The following GREB1 variants were observed in gnomAD, a reference collection of about 807,000 sequenced individuals.
GREB1 encodes protein GREB1.
Under a neutral mutation model 200.7 loss-of-function variants are expected in GREB1, and 106 were observed. The ratio of observed to expected loss-of-function variants is 0.53; its 90% CI spans 0.45 to 0.62. The LOEUF (loss-of-function observed/expected upper bound fraction) is 0.62, where lower values mean the gene tolerates loss of function less well. Ranked by LOEUF, GREB1 falls within the 20% of genes least tolerant of loss-of-function variation. GREB1 has a pLI of 0.00. For missense variants in GREB1, 2,243 were observed against 2,556.8 expected (o/e 0.88, Z 2.65); for synonymous variants, 1,132 against 1,092.4 (o/e 1.04, Z -0.72).
At chr2:11,587,737 ACACACGC>A in intron 9 of GREB1, 1 of 734,132 alleles carries the variant, frequency 1.4e-6, no homozygotes, top group African/African-American at 1.9e-5. Context: ...ACACACACAC[ACACACGC>A]CACCTTTGGG....
At position 11,640,153 on chromosome 2, in the gene GREB1, C is replaced by T. The variant is rs985801568; in HGVS notation, c.5687-138C>T. 1.4e-6 allele frequency: 1 copy of T among 715,940 alleles called. No homozygotes were observed. The allele number at this position is 715,940 out of a possible 1,614,324, so 44.3% of individuals were successfully genotyped here. ...AGATTGTACATCATCCCGAAAGAAG[C>T]AAGGGGCCGACTTGGATGCCGCTTC... On this transcript the variant is annotated intron_variant, in intron 32 of 32. Coordinates refer to ENST00000381486, the MANE Select transcript of GREB1 (RefSeq NM_014668.4). The surrounding 1 kb of genome is among the most constrained non-coding windows in gnomAD (Gnocchi z 4.6).
chr2:11,504,951 G>T (rs1456612214), intron 1 of GREB1, among the ~76,000 whole-genome samples: 5 of 152,054 alleles, frequency 3.3e-5, no homozygotes, highest in Non-Finnish European at 5.9e-5. Flanking sequence ...TTTATTTTTT[G>T]AGATAGAGTC....
At chr2:11,487,219 G>T (rs968438716) in intron 1 of GREB1, among the ~76,000 whole-genome samples, 2 of 152,076 alleles carry the variant, frequency 1.3e-5, no homozygotes, top group Non-Finnish European at 2.9e-5. Flanking sequence ...ATTGATTGAT[G>T]GTAGTACACA....
At chr2:11,598,115 C>T (rs1681433827) in intron 14 of GREB1, 137 bp downstream of exon 14, 1 of 758,468 alleles carries the variant, frequency 1.3e-6, no homozygotes, top group South Asian at 1.6e-5. Context: ...GATTGTGAAA[C>T]TGATGTTCAG....
At chr2:11,595,220 A>T in intron 11 of GREB1, 31 bp from the exon 12 acceptor site, 2 of 1,595,708 alleles carry the variant, frequency 1.3e-6, no homozygotes, top group Non-Finnish European at 1.7e-6. Context: ...GGAAGATACA[A>T]TGGGTACTGT....
Position 11,580,620 on chromosome 2 carries a change from G to T in GREB1, c.773-84G>T, listed in dbSNP as rs1679369677. The T allele has an allele frequency of 1.3e-6, 2 of 1,481,920 alleles. No individual in the cohort carries two copies. Among genetic ancestry groups the T allele is most frequent in the African/African-American group, 2.8e-5 (2 of 71,404 alleles). The allele number at this position is 1,481,920 out of a possible 1,614,324, so 91.8% of individuals were successfully genotyped here. On this transcript the variant is annotated intron_variant, in intron 6 of 32. Transcript: ENST00000381486. This position sits in a 1 kb window ranked among gnomAD's most constrained non-coding sequence, Gnocchi z 4.5. ...TGGGGAAAAGCTAGTTTGTGAAACTGCAAGGAAAATGATTTCCTCCTTGCC... is the reference window on the plus strand; with the variant it reads ...TGGGGAAAAGCTAGTTTGTGAAACTTCAAGGAAAATGATTTCCTCCTTGCC...
intron 1 of GREB1, among the ~76,000 whole-genome samples, chr2:11,511,586 G>A (rs77737431): frequency 0.011 from 1,673 of 152,202 alleles, 14 homozygotes; most frequent in Admixed American, 0.022. Flanking sequence ...AGGAAGCAGC[G>A]TGCCCTCTGA....
chr2:11,587,457 C>T (rs778372733), intron 9 of GREB1: 30 of 1,613,346 alleles, frequency 1.9e-5, no homozygotes, highest in East Asian at 2.2e-5. Flanking sequence ...TTATGAGAGG[C>T]GTGAATTCAT....
intron 1 of GREB1, among the ~76,000 whole-genome samples, chr2:11,539,317 C>G (rs1287585813): frequency 7.7e-6 from 1 of 130,106 alleles, no homozygotes; most frequent in Non-Finnish European, 1.9e-5. Flanking sequence ...TCCCACAGTG[C>G]TGGGATTACA....
rs768224687 is a variant in GREB1, at chr2:11,580,190, G to A, written c.773-514G>A. On this transcript the variant is annotated intron_variant, in intron 6 of 32. Coordinates refer to ENST00000381486, the MANE Select transcript of GREB1 (RefSeq NM_014668.4). The surrounding 1 kb of genome is among the most constrained non-coding windows in gnomAD (Gnocchi z 4.5). Reference sequence around the variant, plus strand: ...TTACCTCCCGCCAGGTCCCTCCCACGACACAGGGGGATTATGGGAGCTGCA... The same window carrying A: ...TTACCTCCCGCCAGGTCCCTCCCACAACACAGGGGGATTATGGGAGCTGCA... Among the ~76,000 whole-genome samples, 8 of 152,142 alleles carry A rather than the reference G, an allele frequency of 5.3e-5. No homozygotes were observed. The highest frequency in any genetic ancestry group is 4.1e-4 in the South Asian group (2 of 4,826).
At chr2:11,513,984 G>A (rs1374321159) in intron 1 of GREB1, among the ~76,000 whole-genome samples, 1 of 152,198 alleles carries the variant, frequency 6.6e-6, no homozygotes, top group Non-Finnish European at 1.5e-5. Flanking sequence ...CACATCCTAA[G>A]AGGGGAGGAT....
intron 1 of GREB1, among the ~76,000 whole-genome samples, chr2:11,498,250 T>G (rs1477763752): frequency 2.6e-5 from 4 of 151,994 alleles, no homozygotes; most frequent in African/African-American, 9.7e-5. Context: ...TGTAGGTCTA[T>G]GATCCTTTAT....
intron 4 of GREB1, among the ~76,000 whole-genome samples, chr2:11,572,221 G>A (rs2148004773): frequency 6.6e-6 from 1 of 152,346 alleles, no homozygotes; most frequent in East Asian, 1.9e-4. Context: ...GAAGGCACTG[G>A]ATGGAGGCAT....
intron 1 of GREB1, among the ~76,000 whole-genome samples, chr2:11,488,394 G>C (rs1040153342): frequency 6.6e-6 from 1 of 152,162 alleles, no homozygotes; most frequent in South Asian, 2.1e-4. Flanking sequence ...TCAACCGAAC[G>C]TTAGACTTCT....
chr2:11,484,869 G>T (rs1420954430), intron 1 of GREB1, among the ~76,000 whole-genome samples: 3 of 152,176 alleles, frequency 2.0e-5, no homozygotes. Flanking sequence ...GTTTTGAGAC[G>T]GAGTCTCGCT....
chr2:11,558,142 G>T (rs1009801162), intron 2 of GREB1, among the ~76,000 whole-genome samples: 3 of 152,230 alleles, frequency 2.0e-5, no homozygotes, highest in African/African-American at 7.2e-5. Flanking sequence ...AGGGTGGCTT[G>T]CTGGAAGCTT....
chr2:11,527,705 A>G (rs1232975815), intron 1 of GREB1, among the ~76,000 whole-genome samples: 1 of 152,218 alleles, frequency 6.6e-6, no homozygotes, highest in Non-Finnish European at 1.5e-5. Flanking sequence ...TAGATTCTAT[A>G]GTAAAACAGA....
intron 3 of GREB1, 119 bp from the exon 4 acceptor site, chr2:11,566,361 A>G (rs370772479): frequency 2.1e-6 from 2 of 935,742 alleles, no homozygotes; most frequent in East Asian, 5.4e-5. Context: ...TTTGAGGTCA[A>G]GCACACCCAG....
At chr2:11,555,679 CA>C (rs1310149319) in intron 1 of GREB1, among the ~76,000 whole-genome samples, 2 of 152,118 alleles carry the variant, frequency 1.3e-5, no homozygotes, top group African/African-American at 4.8e-5. Flanking sequence ...CCAGAATGAG[CA>C]AATCTATAGA....
Sources: allele counts gnomAD v4.1 joint callset (sites outside exome capture counted in the v4.1 genomes callset), GRCh38; gene constraint gnomAD v4.1.1; non-coding constraint Gnocchi (gnomAD v3.1); transcripts MANE v1.5; gene names NCBI Gene and HGNC (gene_info 2026-07-23, HGNC 2026-07-21).